Variants in CECR2 observed in about 807,000 individuals in gnomAD.
CECR2 encodes chromatin remodeling regulator CECR2.
In CECR2, 30 loss-of-function variants were observed where a neutral mutation model predicts 154.5. The observed-to-expected ratio is 0.19, with a 90% CI of 0.15 to 0.26. The LOEUF is 0.26. CECR2 is among the 10% of genes least tolerant of loss of function. CECR2 has a pLI of 1.00. For missense variants in CECR2, 1,743 were observed against 1,829.3 expected (o/e 0.95, Z 0.86); for synonymous variants, 725 against 683.7 (o/e 1.06, Z -0.94).
chr22:17,421,886 A>T (rs189785954), intron 1 of CECR2, among the ~76,000 whole-genome samples: 24,516 of 143,076 alleles, frequency 0.17, 2,301 homozygotes, highest in African/African-American at 0.28. Flanking sequence ...TTTTTTTTTT[A>T]AATTTCTTAC....
chr22:17,508,925 A>G (rs181124170), intron 7 of CECR2, among the ~76,000 whole-genome samples: 2 of 152,332 alleles, frequency 1.3e-5, no homozygotes, highest in South Asian at 2.1e-4. Context: ...GTGTAACACA[A>G]TAAAGAATAG....
At chr22:17,361,873 G>A (rs1156383816) in intron 1 of CECR2, among the ~76,000 whole-genome samples, 1 of 152,062 alleles carries the variant, frequency 6.6e-6, no homozygotes, top group Non-Finnish European at 1.5e-5. Context: ...CTCTAAGGGG[G>A]CAGGGAGAAA....
At chr22:17,463,950 G>A (rs960065894) in intron 1 of CECR2, among the ~76,000 whole-genome samples, 8 of 152,234 alleles carry the variant, frequency 5.3e-5, no homozygotes, top group African/African-American at 1.2e-4. Flanking sequence ...ATAGCAGTGC[G>A]GTGGTGGGTG....
intron 7 of CECR2, among the ~76,000 whole-genome samples, chr22:17,508,729 T>G (rs1390997222): frequency 2.6e-5 from 4 of 152,148 alleles, no homozygotes; most frequent in Non-Finnish European, 4.4e-5. Flanking sequence ...GTCCCTGAAT[T>G]CTATATTGTT....
chr22:17,478,580 C>G (rs2055251116), intron 2 of CECR2, among the ~76,000 whole-genome samples: 1 of 152,124 alleles, frequency 6.6e-6, no homozygotes, highest in Admixed American at 6.5e-5. Context: ...TGGTCTCGAT[C>G]TCCCGACCTC....
At chr22:17,423,132 G>T in intron 1 of CECR2, among the ~76,000 whole-genome samples, 1 of 152,160 alleles carries the variant, frequency 6.6e-6, no homozygotes, top group Admixed American at 6.5e-5. Context: ...CTTTAGCAAT[G>T]TGGTGGTGAG....
intron 1 of CECR2, among the ~76,000 whole-genome samples, chr22:17,396,331 G>A (rs1441550670): frequency 1.3e-5 from 2 of 151,960 alleles, no homozygotes; most frequent in Admixed American, 6.6e-5. Flanking sequence ...GATCACCTGA[G>A]TTCAGGAGTT....
intron 8 of CECR2, among the ~76,000 whole-genome samples, chr22:17,521,574 C>T (rs1298961019): frequency 6.6e-6 from 1 of 151,368 alleles, no homozygotes; most frequent in Non-Finnish European, 1.5e-5. Flanking sequence ...ATATCCTTTG[C>T]CCACTTTTTC....
chr22:17,453,357 G>T (rs532783406), intron 1 of CECR2, among the ~76,000 whole-genome samples: 1 of 152,298 alleles, frequency 6.6e-6, no homozygotes, highest in Admixed American at 6.5e-5. Context: ...CAGGAGAACT[G>T]CTTGAACCCA....
At position 17,537,084 on chromosome 22, in the gene CECR2, G is replaced by T. The variant is rs755621753; in HGVS notation, c.1109-19G>T. ...GTCTGGAGTGTGCTTAGCTCACTCA[G>T]CCTTTGTGTTCATTGTAGATCGAGC... On this transcript the variant is annotated intron_variant, in intron 9 of 18. Coordinates refer to ENST00000262608, the MANE Select transcript of CECR2 (RefSeq NM_001290047.2). The T allele has an allele frequency of 1.2e-6, 2 of 1,613,292 alleles. No individual in the cohort carries two copies. Among genetic ancestry groups the T allele is most frequent in the African/African-American group, 1.3e-5 (1 of 75,008 alleles).
intron 3 of CECR2, among the ~76,000 whole-genome samples, chr22:17,498,418 G>A (rs2055672691): frequency 6.6e-6 from 1 of 151,662 alleles, no homozygotes; most frequent in Non-Finnish European, 1.5e-5. Flanking sequence ...ATATCCTCAA[G>A]GGAGAGTGTG....
At chr22:17,403,598 G>T (rs1193447021) in intron 1 of CECR2, among the ~76,000 whole-genome samples, 3 of 152,176 alleles carry the variant, frequency 2.0e-5, no homozygotes, top group Non-Finnish European at 4.4e-5. Context: ...CTATTCAGTA[G>T]TGGGGGGCGA....
At chr22:17,402,754 CTTTTTTTTTTTT>C (rs386394918) in intron 1 of CECR2, among the ~76,000 whole-genome samples, 23 of 123,104 alleles carry the variant, frequency 1.9e-4, no homozygotes, top group Admixed American at 4.4e-4. Flanking sequence ...TTCTTTTCTT[CTTTTTTTTTTTT>C]TTTTTTTGGA....
chr22:17,500,823 A>G (rs1038263133), intron 5 of CECR2, 88 bp downstream of exon 5: 24 of 948,704 alleles, frequency 2.5e-5, no homozygotes, highest in East Asian at 2.4e-4. Flanking sequence ...TGCCTGTGCC[A>G]TGGGAAGCAC....
rs939218670 is a variant in CECR2, at chr22:17,542,759, G to T, written c.2616G>T (p.Gly872=). ...LFGAPAQALR[G]VQGGDSMMDS... ...GAGCACCTGCCCAGGCTCTTCGGGG[G>T]GTGCAGGGAGGGGACTCCATGATGG... Residue 872 remains glycine, a synonymous_variant, in exon 16 of 19, where the codon GGG becomes GGT. Coordinates refer to ENST00000262608, the MANE Select transcript of CECR2 (RefSeq NM_001290047.2). 5 of 1,613,842 alleles carry T rather than the reference G, an allele frequency of 3.1e-6. No individual in the cohort carries two copies. In the South Asian group the frequency reaches 5.5e-5, roughly 18 times the overall value.
intron 1 of CECR2, among the ~76,000 whole-genome samples, chr22:17,456,546 T>A (rs1316216987): frequency 3.3e-5 from 5 of 152,250 alleles, no homozygotes; most frequent in African/African-American, 1.2e-4. Flanking sequence ...ATTCCACAAT[T>A]AAAACTGTAA....
intron 1 of CECR2, among the ~76,000 whole-genome samples, chr22:17,378,824 A>AT (rs1046141025): frequency 2.6e-5 from 4 of 152,204 alleles, no homozygotes; most frequent in Admixed American, 1.3e-4. Context: ...TGTGATGGGC[A>AT]TTTTTTCCCC....
chr22:17,481,048 T>TAAAAAAAAAAA (rs1569109739), intron 2 of CECR2, among the ~76,000 whole-genome samples: 2 of 73,256 alleles, frequency 2.7e-5, no homozygotes, highest in African/African-American at 8.5e-5. Flanking sequence ...TCTTTTTTTT[T>TAAAAAAAAAAA]TAAAAAAAAA....
chr22:17,542,792 A>G lies in CECR2; in HGVS notation c.2649A>G (p.Pro883=), dbSNP rs1446109215. 3.1e-6 allele frequency: 5 copies of G among 1,613,874 alleles called. No homozygotes were observed. The East Asian group carries it at 1.1e-4, about 36-fold the overall frequency. Residue 883 remains proline, a synonymous_variant, in exon 16 of 19, where the codon CCA becomes CCG. Transcript: ENST00000262608. ...VQGGDSMMDS[P]EMIAMQQLSS... ...GAGGGGACTCCATGATGGACAGCCC[A>G]GAGATGATTGCGATGCAGCAGCTCT... is the stretch of plus-strand genomic sequence containing the variant.
Sources: allele counts gnomAD v4.1 joint callset (sites outside exome capture counted in the v4.1 genomes callset), GRCh38; gene constraint gnomAD v4.1.1; transcripts MANE v1.5; gene names NCBI Gene and HGNC (gene_info 2026-07-23, HGNC 2026-07-21).